The following ITPR1 variants were observed in gnomAD, a reference collection of about 807,000 sequenced individuals.
ITPR1 encodes the protein inositol 1,4,5-trisphosphate receptor type 1.
Under a neutral mutation model 318.4 loss-of-function variants are expected in ITPR1, and 96 were observed. The ratio of observed to expected loss-of-function variants is 0.30; its 90% CI spans 0.26 to 0.36. The LOEUF is 0.36. Among genes scored for constraint, ITPR1 ranks in the 10% least tolerant of loss-of-function variants. ITPR1 has a pLI of 1.00. For synonymous variants in ITPR1, 1,312 were observed against 1,289.9 expected (o/e 1.02, Z -0.37); for missense variants, 2,440 against 3,460.2 (o/e 0.71, Z 7.40).
chr3:4,662,923 C>G, intron 15 of ITPR1, 142 bp from the exon 16 acceptor site: 1 of 622,112 alleles, frequency 1.6e-6, no homozygotes, highest in Non-Finnish European at 2.9e-6. Flanking sequence ...TACTTGGCTT[C>G]TGTTGTCAGT....
At chr3:4,734,226 T>C (rs541428673) in intron 43 of ITPR1, among the ~76,000 whole-genome samples, 1 of 152,326 alleles carries the variant, frequency 6.6e-6, no homozygotes, top group South Asian at 2.1e-4. Context: ...CTTCACATAA[T>C]CTCTCAAAAC....
intron 4 of ITPR1, among the ~76,000 whole-genome samples, chr3:4,616,656 G>C (rs2092401002): frequency 6.6e-6 from 1 of 152,184 alleles, no homozygotes; most frequent in African/African-American, 2.4e-5. Flanking sequence ...CAATGAGATG[G>C]TTTTGAAGAG....
At chr3:4,811,235 T>C (rs769314321) in intron 55 of ITPR1, 30 bp from the exon 56 acceptor site, 32 of 1,475,190 alleles carry the variant, frequency 2.2e-5, no homozygotes, top group Admixed American at 1.0e-4. Flanking sequence ...CATCAAGGCT[T>C]CTTAAAATTC....
At chr3:4,711,911 A>C (rs367839028) in intron 39 of ITPR1, 43 bp downstream of exon 39, 2 of 1,051,790 alleles carry the variant, frequency 1.9e-6, no homozygotes, top group East Asian at 5.4e-5. Context: ...TTTTACTATG[A>C]AACTGAAGGG....
chr3:4,564,382 G>A (rs557439515), intron 4 of ITPR1, among the ~76,000 whole-genome samples: 1 of 152,254 alleles, frequency 6.6e-6, no homozygotes, highest in Non-Finnish European at 1.5e-5. Flanking sequence ...CTTTGTACAG[G>A]TGTGGCCTTC....
chr3:4,640,544 A>G (rs1382965548), intron 6 of ITPR1, among the ~76,000 whole-genome samples: 8 of 152,208 alleles, frequency 5.3e-5, no homozygotes, highest in African/African-American at 1.9e-4. Context: ...TTCAGAGTAC[A>G]GGACTTCCTG....
chr3:4,836,211 T>C (rs576953825), intron 60 of ITPR1, among the ~76,000 whole-genome samples: 42 of 152,274 alleles, frequency 2.8e-4, no homozygotes, highest in African/African-American at 1.0e-3. Context: ...AGCAGTCAAA[T>C]TCATGGAGAC....
intron 46 of ITPR1, among the ~76,000 whole-genome samples, chr3:4,769,624 G>A (rs1317143162): frequency 6.6e-6 from 1 of 152,182 alleles, no homozygotes; most frequent in South Asian, 2.1e-4. Context: ...AGGTTTGTTA[G>A]GCACTTATGA....
At chr3:4,830,954 G>A in intron 60 of ITPR1, 1 of 456,570 alleles carries the variant, frequency 2.2e-6, no homozygotes, top group Non-Finnish European at 4.4e-6. Flanking sequence ...TACCTGAGCA[G>A]ACTTTCTCTG....
At chr3:4,631,757 A>G (rs902103018) in intron 5 of ITPR1, among the ~76,000 whole-genome samples, 2 of 152,174 alleles carry the variant, frequency 1.3e-5, no homozygotes, top group African/African-American at 4.8e-5. Flanking sequence ...TAATAAAACC[A>G]TGGAAAGCTG....
intron 4 of ITPR1, among the ~76,000 whole-genome samples, chr3:4,609,466 G>A (rs1166653906): frequency 6.6e-6 from 1 of 152,076 alleles, no homozygotes; most frequent in East Asian, 1.9e-4. Context: ...GTTTCTTGTT[G>A]GGCTTAGGGT....
chr3:4,727,557 G>A (rs1431840698), intron 42 of ITPR1, among the ~76,000 whole-genome samples: 2 of 152,082 alleles, frequency 1.3e-5, no homozygotes, highest in African/African-American at 4.8e-5. Context: ...AGCCACAAGA[G>A]CCACTGTTTT....
intron 1 of ITPR1, among the ~76,000 whole-genome samples, 173 bp downstream of exon 1, chr3:4,493,778 AAAAC>A (rs1352321533): frequency 1.3e-5 from 2 of 152,128 alleles, no homozygotes; most frequent in African/African-American, 4.8e-5. Context: ...TGAAGCTTAA[AAAAC>A]AAATATCCTC....
At chr3:4,494,899 CTT>C (rs774763211) in intron 2 of ITPR1, among the ~76,000 whole-genome samples, 4 of 152,208 alleles carry the variant, frequency 2.6e-5, no homozygotes, top group Non-Finnish European at 5.9e-5. Flanking sequence ...AATAGTCACT[CTT>C]TTCTAATTTT....
intron 55 of ITPR1, among the ~76,000 whole-genome samples, chr3:4,809,525 T>G (rs1471199499): frequency 1.3e-5 from 2 of 152,236 alleles, no homozygotes; most frequent in Non-Finnish European, 2.9e-5. Context: ...TTGCATTTTT[T>G]AAGGCCAGAA....
At chr3:4,618,205 A>G (rs879122174) in intron 4 of ITPR1, among the ~76,000 whole-genome samples, 2 of 152,180 alleles carry the variant, frequency 1.3e-5, no homozygotes, top group Admixed American at 6.5e-5. Flanking sequence ...GGTTAATTTT[A>G]TATTATGTGA....
chr3:4,840,029 C>CTTTTT (rs56096727), intron 61 of ITPR1, among the ~76,000 whole-genome samples: 1,613 of 104,190 alleles, frequency 0.015, 212 homozygotes, highest in African/African-American at 0.019. Flanking sequence ...AGCATAGCTG[C>CTTTTT]TTTTTTTTTT....
chr3:4,572,459 G>T (rs1198106790), intron 4 of ITPR1, among the ~76,000 whole-genome samples: 1 of 152,082 alleles, frequency 6.6e-6, no homozygotes, highest in East Asian at 1.9e-4. Flanking sequence ...ACGCAAATTT[G>T]CAAGCTTCAT....
At position 4,557,829 on chromosome 3, in the gene ITPR1, T is replaced by A. The variant is rs142912993; in HGVS notation, c.163+36735T>A. On this transcript the variant is annotated intron_variant, in intron 4 of 61. Transcript: ENST00000649015. ...TTCTAAATGTAAATGTAATTAGAGT[T>A]TCATGTGGATGCATACCTCCTTTCT... is the stretch of plus-strand genomic sequence containing the variant. Among the ~76,000 whole-genome samples the A allele has an allele frequency of 2.8e-4, 43 of 152,336 alleles. No homozygotes were observed. The East Asian group carries it at 7.5e-3, about 27-fold the overall frequency.
Sources: gnomAD v4.1 joint callset for allele counts (sites outside exome capture counted in the v4.1 genomes callset) on GRCh38, gnomAD v4.1.1 for gene constraint, MANE v1.5 for transcripts, NCBI Gene and HGNC (gene_info 2026-07-23, HGNC 2026-07-21) for gene names.